ABCD3: variants seen among roughly 807,000 people sequenced by gnomAD.
ABCD3 encodes the protein ATP-binding cassette sub-family D member 3.
ABCD3 carries 41 observed loss-of-function variants against 105.5 expected under a neutral mutation model. The ratio of observed to expected loss-of-function variants is 0.39; its 90% CI spans 0.30 to 0.50. The LOEUF is 0.50. Among genes scored for constraint, ABCD3 ranks in the 20% least tolerant of loss-of-function variants. ABCD3 has a pLI of 0.84. For missense variants in ABCD3, 622 were observed against 806.3 expected (o/e 0.77, Z 2.77); for synonymous variants, 258 against 269.0 (o/e 0.96, Z 0.40).
At chr1:94,425,381 T>C (rs1302914375) in intron 1 of ABCD3, among the ~76,000 whole-genome samples, 1 of 152,252 alleles carries the variant, frequency 6.6e-6, no homozygotes, top group Non-Finnish European at 1.5e-5. Context: ...AACTATACTT[T>C]TAAAGAAATA....
intron 20 of ABCD3, 140 bp from the exon 21 acceptor site, chr1:94,506,398 G>A (rs937448557): frequency 1.6e-6 from 1 of 621,246 alleles, no homozygotes. Flanking sequence ...CTATTTCTGG[G>A]AAGTAGATTT....
intron 7 of ABCD3, among the ~76,000 whole-genome samples, chr1:94,476,582 T>C (rs1388419855): frequency 6.6e-6 from 1 of 152,154 alleles, no homozygotes; most frequent in Admixed American, 6.6e-5. Flanking sequence ...ATATACAGTT[T>C]TGAGACAAAA....
the ABCD3 span, among the ~76,000 whole-genome samples, chr1:94,402,860 A>C: frequency 6.6e-6 from 1 of 151,778 alleles, no homozygotes. Flanking sequence ...TGTGCAGGTT[A>C]GTTACATATG....
chr1:94,438,293 C>CAT (rs1557662791), intron 1 of ABCD3, among the ~76,000 whole-genome samples: 2 of 120,876 alleles, frequency 1.7e-5, no homozygotes, highest in African/African-American at 6.9e-5. Flanking sequence ...CACACACACA[C>CAT]ACACACATAC....
intron 1 of ABCD3, among the ~76,000 whole-genome samples, chr1:94,453,364 G>C (rs1303739238): frequency 6.6e-6 from 1 of 150,582 alleles, no homozygotes; most frequent in African/African-American, 2.4e-5. Context: ...TGTCGCCCAG[G>C]TTGGAGTGCA....
chr1:94,491,748 T>C (rs1439254729), intron 16 of ABCD3, among the ~76,000 whole-genome samples: 1 of 152,102 alleles, frequency 6.6e-6, no homozygotes, highest in East Asian at 1.9e-4. Context: ...CTGATGTTGA[T>C]TCAATATACT....
chr1:94,473,821 G>T lies in ABCD3; in HGVS notation c.391G>T (p.Ala131Ser). 6.2e-7 allele frequency: 1 copy of T among 1,612,100 alleles called. No individual in the cohort carries two copies. Among genetic ancestry groups the T allele is most frequent in the South Asian group, 1.1e-5 (1 of 91,002 alleles). Residue 131 changes from alanine (A) to serine (S), a missense_variant, in exon 5 of 23, where the codon GCT (alanine) becomes TCT (serine). Physicochemically the swap from Ala to Ser is moderately conservative, Grantham distance 99. Coordinates refer to ENST00000370214, the MANE Select transcript of ABCD3 (RefSeq NM_002858.4). ...DFKRYLLNFI[A>S]AMPLISLVNN... Reference sequence around the variant, plus strand: ...CAAGAGATACTTACTCAACTTCATCGCTGCCATGCCTCTTGTAAGTTTAAT... The same window carrying T: ...CAAGAGATACTTACTCAACTTCATCTCTGCCATGCCTCTTGTAAGTTTAAT...
At chr1:94,415,189 C>T (rs1422638040), upstream of ABCD3, among the ~76,000 whole-genome samples, 1 of 152,170 alleles carries the variant, frequency 6.6e-6, no homozygotes, top group Admixed American at 6.5e-5. Flanking sequence ...CTTCATTATA[C>T]TCTTTTGGTC....
At chr1:94,478,810 C>T (rs533412468) in intron 8 of ABCD3, 60 of 501,236 alleles carry the variant, frequency 1.2e-4, no homozygotes, top group African/African-American at 8.6e-4. Context: ...GTTAAAATAA[C>T]GATACATTTA....
At chr1:94,391,142 G>C in the ABCD3 span, among the ~76,000 whole-genome samples, 1 of 152,130 alleles carries the variant, frequency 6.6e-6, no homozygotes, top group Non-Finnish European at 1.5e-5. Flanking sequence ...CAATGAGTGG[G>C]CTCCAGGTCT....
At chr1:94,445,643 C>G (rs1389949679) in intron 1 of ABCD3, among the ~76,000 whole-genome samples, 1 of 152,178 alleles carries the variant, frequency 6.6e-6, no homozygotes, top group Non-Finnish European at 1.5e-5. Flanking sequence ...CCCTCCAGAT[C>G]TTTCTTTTCC....
At chr1:94,505,886 T>A (rs1342530124) in intron 20 of ABCD3, among the ~76,000 whole-genome samples, 1 of 152,060 alleles carries the variant, frequency 6.6e-6, no homozygotes, top group African/African-American at 2.4e-5. Context: ...AGGGGGCAGA[T>A]GACAAAAATT....
In ABCD3 at chr1:94,450,861, A is replaced by G. The variant is rs141027757; in HGVS notation, c.111-7746A>G. On this transcript the variant is annotated intron_variant, in intron 1 of 22. Transcript: ENST00000370214. The stretch of plus-strand genomic sequence containing the variant: ...TACAAGTTACCCTAGAACTTTTAAC[A>G]TGGGTTTCACTTTTTTCAAGTCTAA... Among the ~76,000 whole-genome samples the G allele has an allele frequency of 3.7e-3, 561 of 152,270 alleles. 6 individuals carry two copies. The highest frequency in any genetic ancestry group is 0.013 in the African/African-American group (535 of 41,546).
chr1:94,423,242 T>C (rs1389685543), intron 1 of ABCD3, among the ~76,000 whole-genome samples: 1 of 152,258 alleles, frequency 6.6e-6, no homozygotes, highest in East Asian at 1.9e-4. Flanking sequence ...ATGATCTAAA[T>C]GATGATCACC....
At chr1:94,428,890 C>T (rs1388608240) in intron 1 of ABCD3, among the ~76,000 whole-genome samples, 7 of 152,058 alleles carry the variant, frequency 4.6e-5, no homozygotes, top group Non-Finnish European at 8.8e-5. Flanking sequence ...GTGGAAGTGA[C>T]TTTGAAACTG....
intron 1 of ABCD3, chr1:94,419,412 G>C: frequency 1.1e-6 from 1 of 951,028 alleles, no homozygotes; most frequent in Admixed American, 6.2e-5. Context: ...GAGGTTATCA[G>C]TTCAGAAAAA....
chr1:94,455,665 C>G (rs1248017125), intron 1 of ABCD3: 2 of 441,508 alleles, frequency 4.5e-6, no homozygotes, highest in Admixed American at 2.6e-5. Context: ...GAAAATAGGA[C>G]TTATATGTAG....
chr1:94,446,317 T>C (rs1660344709), intron 1 of ABCD3, among the ~76,000 whole-genome samples: 1 of 152,238 alleles, frequency 6.6e-6, no homozygotes, highest in South Asian at 2.1e-4. Flanking sequence ...GTGAGCCTTC[T>C]GCCTGGGGAA....
At chr1:94,453,599 T>C (rs1647378740) in intron 1 of ABCD3, among the ~76,000 whole-genome samples, 1 of 152,090 alleles carries the variant, frequency 6.6e-6, no homozygotes, top group South Asian at 2.1e-4. Context: ...ATTACAGGCG[T>C]GAGCCACCGC....
Sources: allele counts gnomAD v4.1 joint callset (sites outside exome capture counted in the v4.1 genomes callset), GRCh38; gene constraint gnomAD v4.1.1; transcripts MANE v1.5; gene names NCBI Gene and HGNC (gene_info 2026-07-23, HGNC 2026-07-21).